KIF1B: variants seen among roughly 807,000 people sequenced by gnomAD.
KIF1B encodes the protein kinesin family member 1B, also known as kinesin-like protein KIF1B.
A neutral mutation model predicts 241.9 loss-of-function variants in KIF1B; 76 were observed. The ratio of observed to expected loss-of-function variants is 0.31; its 90% CI spans 0.26 to 0.38. The LOEUF is 0.38. KIF1B is among the 10% of genes least tolerant of loss of function. The probability of loss-of-function intolerance (pLI) is 1.00; values close to 1 mark genes in which losing one functional copy is unlikely to be tolerated. For synonymous variants in KIF1B, 750 were observed against 796.7 expected, an observed-to-expected ratio of 0.94 and a Z score of 0.99; for missense variants, 1,622 against 2,271.4, an observed-to-expected ratio of 0.71 and a Z score of 5.81.
At chr1:10,349,714 T>G (rs1203091811) in intron 37 of KIF1B, among the ~76,000 whole-genome samples, 1 of 146,470 alleles carries the variant, frequency 6.8e-6, no homozygotes, top group Non-Finnish European at 1.5e-5. Context: ...ATGGCCAGAG[T>G]GGAGAAAGTA....
In KIF1B at chr1:10,365,424, C is replaced by T. The variant is rs757161205; in HGVS notation, c.4528C>T (p.His1510Tyr). 6.2e-7 allele frequency: 1 copy of T among 1,614,178 alleles called. No individual in the cohort carries two copies. Among genetic ancestry groups the T allele is most frequent in the South Asian group, 1.1e-5 (1 of 91,090 alleles). ...ELLHEVEKTR[H>Y]FLLLRERLGD... ...ATCTTCTCAGGTGGAAAAAACCCGC[C>T]ACTTTTTGCTGCTGCGTGAGAGACT... The change falls in exon 43 of 49, where the codon CAC becomes TAC. Residue 1510 changes from histidine to tyrosine, a missense_variant. Physicochemically the swap from His to Tyr is moderately conservative, Grantham distance 83. Coordinates refer to ENST00000676179, the MANE Select transcript of KIF1B (RefSeq NM_001365951.3). The surrounding 1 kb of genome is among the most constrained non-coding windows in gnomAD (Gnocchi z 4.0).
chr1:10,246,753 A>G (rs1389390043), intron 2 of KIF1B, among the ~76,000 whole-genome samples: 1 of 152,202 alleles, frequency 6.6e-6, no homozygotes, highest in Non-Finnish European at 1.5e-5. Context: ...TCTCAAAGAA[A>G]AAAAAGAAAT....
chr1:10,336,224 C>G lies in KIF1B; in HGVS notation c.3044-433C>G, dbSNP rs377027311. ...AGTGCAGTGGTGCAATCTCGGCTCA[C>G]TGCAACCTCCGCCTCCCGGGTTCAA... On this transcript the variant is annotated intron_variant, in intron 28 of 48. Transcript: ENST00000676179. Among the ~76,000 whole-genome samples, 646 of 152,330 alleles carry G rather than the reference C, an allele frequency of 4.2e-3. 4 individuals are homozygous for G. The highest frequency in any genetic ancestry group is 0.014 in the African/African-American group (600 of 41,582).
intron 39 of KIF1B, 32 bp downstream of exon 39, chr1:10,361,075 ACAGT>A (rs773829868): frequency 1.0e-5 from 14 of 1,357,286 alleles, no homozygotes; most frequent in African/African-American, 2.9e-5. Flanking sequence ...GTTGATGCCA[ACAGT>A]CAGCCCTGAA....
chr1:10,340,777 A>C (rs1283123966), intron 32 of KIF1B, among the ~76,000 whole-genome samples: 3 of 152,070 alleles, frequency 2.0e-5, no homozygotes, highest in Admixed American at 6.6e-5. Context: ...CTCCCATCTC[A>C]AAAAAAATAA....
intron 33 of KIF1B, 41 bp from the exon 34 acceptor site, chr1:10,343,190 TA>T: frequency 2.5e-6 from 4 of 1,607,000 alleles, no homozygotes; most frequent in Non-Finnish European, 3.4e-6. Flanking sequence ...CTAAAATAAA[TA>T]ACTCTTTATA....
chr1:10,258,701 C>T (rs752158822), intron 4 of KIF1B, 29 bp downstream of exon 4: 7 of 1,606,624 alleles, frequency 4.4e-6, no homozygotes, highest in Middle Eastern at 1.6e-4. Flanking sequence ...CAAAAATCTT[C>T]TCTTCATTAT....
At chr1:10,236,305 A>AC (rs79060754) in intron 2 of KIF1B, among the ~76,000 whole-genome samples, 36,379 of 151,588 alleles carry the variant, frequency 0.24, 4,952 homozygotes, top group Admixed American at 0.31. Context: ...AACAACAACA[A>AC]AAACCCATAT....
chr1:10,348,696 C>T lies in KIF1B; in HGVS notation c.3912C>T (p.Ser1304=), dbSNP rs775203595. The T allele has an allele frequency of 2.0e-5, 33 of 1,613,908 alleles. No individual in the cohort carries two copies. The highest frequency in any genetic ancestry group is 1.5e-4 in the Admixed American group (9 of 59,996). ...ITVTIIHEKG[S]ELHWKDVREL... Reference sequence around the variant, plus strand: ...TGACCATTATCCATGAGAAGGGGAGCGAGCTCCATTGGAAAGATGTTCGTG... The same window carrying T: ...TGACCATTATCCATGAGAAGGGGAGTGAGCTCCATTGGAAAGATGTTCGTG... Residue 1304 remains serine, a synonymous_variant, in exon 37 of 49, where the codon AGC becomes AGT. Transcript: ENST00000676179.
chr1:10,342,311 A>G lies in KIF1B; in HGVS notation c.3632+143A>G, dbSNP rs547078735. ...ACCCTGTTTCCTCTTTAGAAACTTCACTATCATCTTATAGCCACCTAATCA... is the reference window on the plus strand; with the variant it reads ...ACCCTGTTTCCTCTTTAGAAACTTCGCTATCATCTTATAGCCACCTAATCA... On this transcript the variant is annotated intron_variant, in intron 33 of 48. Coordinates refer to ENST00000676179, the MANE Select transcript of KIF1B (RefSeq NM_001365951.3). 1,685 of 705,508 alleles carry G rather than the reference A, an allele frequency of 2.4e-3. 4 individuals are homozygous for G. Among genetic ancestry groups the G allele is most frequent in the Middle Eastern group, 3.9e-3 (15 of 3,882 alleles). The allele number at this position is 705,508 out of a possible 1,614,324, so 43.7% of individuals were successfully genotyped here. A position where few individuals can be genotyped will look rare whatever the true frequency, so the allele number is the denominator to read the frequency against.
chr1:10,231,302 A>G (rs1326536536), intron 1 of KIF1B, among the ~76,000 whole-genome samples: 3 of 151,442 alleles, frequency 2.0e-5, no homozygotes, highest in African/African-American at 7.3e-5. Flanking sequence ...GTCCTTTGCT[A>G]TTTAATTACA....
At chr1:10,233,682 A>G (rs1647011363) in intron 2 of KIF1B, among the ~76,000 whole-genome samples, 1 of 150,848 alleles carries the variant, frequency 6.6e-6, no homozygotes, top group Non-Finnish European at 1.5e-5. Flanking sequence ...GGTGAACTTT[A>G]TGGTATATAA....
chr1:10,368,435 G>A (rs368492316), intron 43 of KIF1B, 32 bp from the exon 44 acceptor site: 185 of 1,589,156 alleles, frequency 1.2e-4, no homozygotes, highest in Non-Finnish European at 1.5e-4. Context: ...GACATTTTAT[G>A]TTCAGCTTGC....
intron 48 of KIF1B, among the ~76,000 whole-genome samples, chr1:10,376,147 C>T (rs1057030814): frequency 1.3e-5 from 2 of 152,106 alleles, no homozygotes; most frequent in African/African-American, 4.8e-5. Context: ...AGAGGAAGGA[C>T]AGGAGTGTAA....
chr1:10,248,857 T>A (rs1647293728), intron 2 of KIF1B, among the ~76,000 whole-genome samples: 1 of 152,144 alleles, frequency 6.6e-6, no homozygotes, highest in African/African-American at 2.4e-5. Flanking sequence ...GGAATGTTGC[T>A]TGTAGGGTCC....
Position 10,296,680 on chromosome 1 carries a change from G to A in KIF1B, c.1861+15G>A, listed in dbSNP as rs746717603. 1 of 1,610,774 alleles carries A rather than the reference G, an allele frequency of 6.2e-7. No individual in the cohort carries two copies. On this transcript the variant is annotated intron_variant, in intron 20 of 48. Transcript: ENST00000676179. ...GCTGCGCTCAGGTGAGACTGGGAGA[G>A]GTTTGCCATCTTCAGCAATGTGCAC...
At position 10,326,103 on chromosome 1, in the gene KIF1B, G is replaced by A. The variant is rs1651711359; in HGVS notation, c.2676-8G>A. ...GCTGTGTTAATTGGCGTCTTACCTGGTGTCTAGCTCCCCCATTTTCCACGG... is the reference window on the plus strand; with the variant it reads ...GCTGTGTTAATTGGCGTCTTACCTGATGTCTAGCTCCCCCATTTTCCACGG... On this transcript the variant is annotated splice_region_variant and splice_polypyrimidine_tract_variant and intron_variant, in intron 26 of 48. Transcript: ENST00000676179. This position sits in a 1 kb window ranked among gnomAD's most constrained non-coding sequence, Gnocchi z 5.2. 2.5e-6 allele frequency: 4 copies of A among 1,613,872 alleles called. No homozygotes were observed. Among genetic ancestry groups the A allele is most frequent in the South Asian group, 1.1e-5 (1 of 91,064 alleles).
chr1:10,277,774 T>C (rs1649194643), intron 12 of KIF1B, among the ~76,000 whole-genome samples: 1 of 152,242 alleles, frequency 6.6e-6, no homozygotes, highest in African/African-American at 2.4e-5. Context: ...CTCGCTGTTA[T>C]TTCCATTGTG....
chr1:10,355,718 C>G (rs905177685), intron 38 of KIF1B, among the ~76,000 whole-genome samples: 3 of 150,616 alleles, frequency 2.0e-5, no homozygotes, highest in African/African-American at 7.5e-5. Context: ...TTCTGTTTTC[C>G]TCTTTATCTG....
Sources: gnomAD v4.1 joint callset for allele counts (sites outside exome capture counted in the v4.1 genomes callset) on GRCh38, gnomAD v4.1.1 for gene constraint, Gnocchi (gnomAD v3.1) non-coding constraint, MANE v1.5 for transcripts, NCBI Gene and HGNC (gene_info 2026-07-23, HGNC 2026-07-21) for gene names.